The following ST8SIA6 variants were observed in gnomAD, a reference collection of about 807,000 sequenced individuals.
ST8SIA6 encodes alpha-2,8-sialyltransferase 8F.
Under a neutral mutation model 33.6 loss-of-function variants are expected in ST8SIA6, and 39 were observed. The ratio of observed to expected loss-of-function variants is 1.16; its 90% CI spans 0.90 to 1.52. ST8SIA6 has a LOEUF of 1.52. Ranked by LOEUF, ST8SIA6 falls within the 40% of genes most tolerant of loss-of-function variation. ST8SIA6 has a pLI of 0.00. For missense variants in ST8SIA6, 441 were observed against 443.8 expected, an observed-to-expected ratio of 0.99 and a Z score of 0.06; for synonymous variants, 172 against 167.2, an observed-to-expected ratio of 1.03 and a Z score of -0.22.
At chr10:17,333,779 C>T (rs1285497728) in intron 4 of ST8SIA6, among the ~76,000 whole-genome samples, 2 of 124,390 alleles carry the variant, frequency 1.6e-5, no homozygotes, top group East Asian at 2.7e-4. Context: ...TGGAGTGCAG[C>T]GGCACAATTT....
chr10:17,421,643 G>A (rs902160932), intron 2 of ST8SIA6, among the ~76,000 whole-genome samples: 1 of 151,964 alleles, frequency 6.6e-6, no homozygotes, highest in Non-Finnish European at 1.5e-5. Flanking sequence ...GCTCACTGCT[G>A]CCTCAACCTC....
chr10:17,398,772 C>G (rs915882570), intron 2 of ST8SIA6, among the ~76,000 whole-genome samples: 7 of 152,172 alleles, frequency 4.6e-5, no homozygotes, highest in South Asian at 2.1e-4. Context: ...TGTCCTCATT[C>G]TAGGGATGAG....
intron 2 of ST8SIA6, among the ~76,000 whole-genome samples, chr10:17,422,964 T>G (rs761607382): frequency 1.3e-5 from 2 of 152,194 alleles, no homozygotes; most frequent in African/African-American, 2.4e-5. Context: ...TCACTTTGAA[T>G]ACAGCCAAGT....
chr10:17,343,141 C>T (rs947583067), intron 4 of ST8SIA6, among the ~76,000 whole-genome samples: 1 of 152,254 alleles, frequency 6.6e-6, no homozygotes, highest in South Asian at 2.1e-4. Context: ...ACCCAGACCC[C>T]CAGCCTGTCC....
chr10:17,382,302 A>G (rs1850180204), intron 3 of ST8SIA6, among the ~76,000 whole-genome samples: 1 of 151,896 alleles, frequency 6.6e-6, no homozygotes, highest in Non-Finnish European at 1.5e-5. Flanking sequence ...TCTTGCTCTT[A>G]TCACCCAGGC....
chr10:17,338,293 A>G (rs1848569824), intron 4 of ST8SIA6, among the ~76,000 whole-genome samples: 1 of 152,194 alleles, frequency 6.6e-6, no homozygotes, highest in African/African-American at 2.4e-5. Context: ...TCGGCCTCCC[A>G]AAGTGTTGGG....
chr10:17,360,960 G>C (rs1849366911), intron 3 of ST8SIA6, among the ~76,000 whole-genome samples: 1 of 150,662 alleles, frequency 6.6e-6, no homozygotes, highest in African/African-American at 2.4e-5. Context: ...AGAAGGAGGA[G>C]GAGGAGAAGA....
Position 17,320,760 on chromosome 10 carries a change from A to G in ST8SIA6, c.*118T>C. The G allele has an allele frequency of 1.8e-6, 2 of 1,091,738 alleles. No individual in the cohort carries two copies. Among genetic ancestry groups the G allele is most frequent in the Admixed American group, 5.0e-5 (2 of 39,690 alleles). 67.6% of individuals were successfully genotyped at this position (1,091,738 alleles called of 1,614,324 possible). On this transcript the variant is annotated 3_prime_UTR_variant, in exon 8 of 8. Coordinates refer to ENST00000377602, the MANE Select transcript of ST8SIA6 (RefSeq NM_001004470.3). ...CAAAATGAGTGGGGAAGCTTTGGTCAAACCAAATTTTGGGGCTCATCTCAA... is the reference window on the plus strand; with the variant it reads ...CAAAATGAGTGGGGAAGCTTTGGTCGAACCAAATTTTGGGGCTCATCTCAA...
chr10:17,424,538 T>G (rs1851874677), intron 2 of ST8SIA6, among the ~76,000 whole-genome samples: 1 of 152,194 alleles, frequency 6.6e-6, no homozygotes, highest in Non-Finnish European at 1.5e-5. Flanking sequence ...TGTATTCATT[T>G]AAAGATTGTG....
intron 2 of ST8SIA6, among the ~76,000 whole-genome samples, chr10:17,430,463 G>A (rs1033994895): frequency 6.6e-6 from 1 of 152,120 alleles, no homozygotes; most frequent in Non-Finnish European, 1.5e-5. Flanking sequence ...GAATCTTCAC[G>A]CTGTTTTCCA....
chr10:17,429,074 T>G (rs141956270), intron 2 of ST8SIA6, among the ~76,000 whole-genome samples: 45 of 151,974 alleles, frequency 3.0e-4, no homozygotes, highest in African/African-American at 1.1e-3. Flanking sequence ...TAACATCTTG[T>G]GTTTCGTTCT....
intron 3 of ST8SIA6, among the ~76,000 whole-genome samples, chr10:17,372,759 A>T (rs11254561): frequency 0.18 from 27,532 of 152,232 alleles, 2,636 homozygotes; most frequent in South Asian, 0.22. Context: ...TTAGTGGCTT[A>T]AAATAACAGT....
intron 3 of ST8SIA6, among the ~76,000 whole-genome samples, chr10:17,367,353 T>C (rs989030473): frequency 3.0e-4 from 45 of 151,980 alleles, no homozygotes; most frequent in Admixed American, 1.4e-3. Context: ...AACCATCAGA[T>C]CTCTTGAGAC....
At position 17,437,664 on chromosome 10, in the gene ST8SIA6, TCTG is replaced by T. The variant is rs1852323854; in HGVS notation, c.200+15892_200+15894del. ...TTCCTTCCTTCCTTCCTTCCTTCCT[TCTG>T]TCTCTCTTTCTCTTTCTCTTTCTCC... On this transcript the variant is annotated intron_variant, in intron 2 of 7. Transcript: ENST00000377602. Among the ~76,000 whole-genome samples, 3 of 148,054 alleles carry T rather than the reference TCTG, an allele frequency of 2.0e-5. No homozygotes were observed. In the South Asian group the frequency reaches 6.6e-4, roughly 32 times the overall value.
In ST8SIA6 at chr10:17,423,672, C is replaced by T. The variant is rs76006348; in HGVS notation, c.200+29887G>A. Among the ~76,000 whole-genome samples the T allele has an allele frequency of 1.5e-3, 235 of 152,280 alleles. 2 individuals carry two copies. In the East Asian group the frequency reaches 0.043, roughly 28 times the overall value. ...AGCAGACAGCATCCCTAGAACAACA[C>T]GACATCTACAGAAAAGGGGCATGCC... On this transcript the variant is annotated intron_variant, in intron 2 of 7. Coordinates refer to ENST00000377602, the MANE Select transcript of ST8SIA6 (RefSeq NM_001004470.3).
At chr10:17,422,557 G>A (rs1418914628) in intron 2 of ST8SIA6, among the ~76,000 whole-genome samples, 1 of 152,072 alleles carries the variant, frequency 6.6e-6, no homozygotes, top group South Asian at 2.1e-4. Context: ...CTCCTCTCTC[G>A]CTGCCAATCC....
At chr10:17,350,296 G>A (rs904847807) in intron 4 of ST8SIA6, among the ~76,000 whole-genome samples, 1 of 152,180 alleles carries the variant, frequency 6.6e-6, no homozygotes, top group Non-Finnish European at 1.5e-5. Context: ...AAGCATCTTT[G>A]AGTATTTAAG....
chr10:17,357,544 C>T (rs1343981863), intron 4 of ST8SIA6, among the ~76,000 whole-genome samples: 1 of 152,128 alleles, frequency 6.6e-6, no homozygotes, highest in African/African-American at 2.4e-5. Flanking sequence ...AGCTTCTCTG[C>T]CTCTCAGCCA....
At chr10:17,372,592 G>A (rs189625728) in intron 3 of ST8SIA6, among the ~76,000 whole-genome samples, 27 of 152,348 alleles carry the variant, frequency 1.8e-4, no homozygotes, top group Admixed American at 1.4e-3. Context: ...TTACCTGGCA[G>A]AGAGTCGGCC....
Sources: allele counts gnomAD v4.1 joint callset (sites outside exome capture counted in the v4.1 genomes callset), GRCh38; gene constraint gnomAD v4.1.1; transcripts MANE v1.5; gene names NCBI Gene and HGNC (gene_info 2026-07-23, HGNC 2026-07-21).